Variants in FAM53B observed in about 807,000 individuals in gnomAD.
FAM53B encodes family with sequence similarity 53 member B, also known as protein FAM53B.
A neutral mutation model predicts 32.7 loss-of-function variants in FAM53B; 12 were observed. That is an observed-to-expected ratio of 0.37 (90% CI 0.24 to 0.59). FAM53B has a LOEUF of 0.59. Among genes scored for constraint, FAM53B ranks in the 20% least tolerant of loss-of-function variants. FAM53B has a pLI of 0.72. For synonymous variants in FAM53B, 234 were observed against 228.7 expected (o/e 1.02, Z -0.21); for missense variants, 477 against 577.7 (o/e 0.83, Z 1.79).
In FAM53B at chr10:124,681,765, G is replaced by T; in HGVS notation, c.748C>A (p.Pro250Thr). ...CTCGCCAGCTCTGGTGTTGAGGCAG[G>T]TGTGCTGTTGGCTGAGGGAGGACAG... ...EYCPPSANST[P>T]ASTPELARRS... Residue 250 changes from proline to threonine, a missense_variant, in exon 4 of 5, where the codon CCT becomes ACT. By Grantham distance (38) the Pro-to-Thr change is conservative (BLOSUM62 -1). This residue lies in a region of FAM53B where 312 missense variants were observed against 420.2 expected (regional missense o/e 0.74). Coordinates refer to ENST00000337318, the MANE Select transcript of FAM53B (RefSeq NM_014661.4). 6.2e-7 allele frequency: 1 copy of T among 1,609,298 alleles called. No homozygotes were observed. Among genetic ancestry groups the T allele is most frequent in the South Asian group, 1.1e-5 (1 of 90,230 alleles).
chr10:124,639,380 G>A (rs1250152106), intron 4 of FAM53B, among the ~76,000 whole-genome samples: 1 of 152,206 alleles, frequency 6.6e-6, no homozygotes, highest in Non-Finnish European at 1.5e-5. Flanking sequence ...TGCAGCCCGG[G>A]GCATGCTGTT....
chr10:124,732,103 C>T (rs1350320609), intron 1 of FAM53B, among the ~76,000 whole-genome samples: 1 of 152,190 alleles, frequency 6.6e-6, no homozygotes, highest in Non-Finnish European at 1.5e-5. Flanking sequence ...ACCATGCTGG[C>T]TCCAGTAGCA....
At chr10:124,739,730 G>C (rs941992611) in intron 1 of FAM53B, among the ~76,000 whole-genome samples, 1 of 152,028 alleles carries the variant, frequency 6.6e-6, no homozygotes, top group African/African-American at 2.4e-5. Context: ...CAGCTTCCCC[G>C]TGCAGCCCCC....
chr10:124,675,467 G>A (rs2134065095), intron 4 of FAM53B, among the ~76,000 whole-genome samples: 1 of 152,326 alleles, frequency 6.6e-6, no homozygotes, highest in Middle Eastern at 3.4e-3. Context: ...GGCTGCAGCA[G>A]GCCCGGGCTT....
rs1337198029 is a variant in FAM53B, at chr10:124,720,147, AAG to A, written c.-174-13262_-174-13261del. On this transcript the variant is annotated intron_variant, in intron 1 of 4. Transcript: ENST00000337318. ...CATTGCACTCCAGCCTGGGTGACAA[AAG>A]AGAGACTTCATCTAAAAAAAAAAAA... Among the ~76,000 whole-genome samples, 9 of 151,744 alleles carry A rather than the reference AAG, an allele frequency of 5.9e-5. No homozygotes were observed. The East Asian group carries it at 1.7e-3, about 29-fold the overall frequency.
intron 4 of FAM53B, among the ~76,000 whole-genome samples, chr10:124,624,882 A>G (rs1224596217): frequency 6.6e-6 from 1 of 152,194 alleles, no homozygotes; most frequent in Non-Finnish European, 1.5e-5. Context: ...GATATCCCCA[A>G]CCGGACTGCA....
chr10:124,711,113 A>G (rs753284982), intron 1 of FAM53B, among the ~76,000 whole-genome samples: 5 of 152,214 alleles, frequency 3.3e-5, no homozygotes, highest in Non-Finnish European at 5.9e-5. Flanking sequence ...GCACAGCCAC[A>G]CTGTGGAATA....
rs1026751806 is a variant in FAM53B at position 124,626,344 on chromosome 10, G to A, written c.907-2740C>T. Among the ~76,000 whole-genome samples the A allele has an allele frequency of 2.7e-5, 4 of 149,044 alleles. No individual in the cohort carries two copies. The Admixed American group carries it at 2.7e-4, about 10-fold the overall frequency. On this transcript the variant is annotated intron_variant, in intron 4 of 4. Coordinates refer to ENST00000337318, the MANE Select transcript of FAM53B (RefSeq NM_014661.4). Reference sequence around the variant, plus strand: ...TGCCTAACTTATGGCCACCATGATTGTGTGGGTCTCGGCACTAACCGTGGT... The same window carrying A: ...TGCCTAACTTATGGCCACCATGATTATGTGGGTCTCGGCACTAACCGTGGT...
chr10:124,731,192 C>T (rs756271117), intron 1 of FAM53B, among the ~76,000 whole-genome samples: 7 of 152,214 alleles, frequency 4.6e-5, no homozygotes, highest in African/African-American at 1.4e-4. Context: ...TATGAATTAA[C>T]GGCGAAGCCT....
rs183368128 is a variant in FAM53B at position 124,740,930 on chromosome 10, G to C, written c.-175+3083C>G. On this transcript the variant is annotated intron_variant, in intron 1 of 4. Transcript: ENST00000337318. ...CGGCCATGTGCTTTGTGTTGGCAAC[G>C]AACCGGTTCTTTCAAAAGAGGAAGA... is the stretch of plus-strand genomic sequence containing the variant. 7.2e-5 allele frequency among the ~76,000 whole-genome samples: 11 copies of C among 152,164 alleles called. No homozygotes were observed. In the South Asian group the frequency reaches 1.0e-3, roughly 14 times the overall value.
intron 4 of FAM53B, among the ~76,000 whole-genome samples, chr10:124,665,226 T>C (rs1471739501): frequency 6.6e-6 from 1 of 152,182 alleles, no homozygotes; most frequent in African/African-American, 2.4e-5. Context: ...AGCCTTCTCT[T>C]ACTGCCCCAA....
intron 4 of FAM53B, among the ~76,000 whole-genome samples, chr10:124,652,801 G>T (rs976069306): frequency 5.9e-5 from 9 of 152,160 alleles, no homozygotes; most frequent in Non-Finnish European, 5.9e-5. Context: ...CCCAGGGAAC[G>T]GCCGAGCAAA....
chr10:124,664,987 A>G (rs1464579508), intron 4 of FAM53B, among the ~76,000 whole-genome samples: 1 of 152,120 alleles, frequency 6.6e-6, no homozygotes, highest in Non-Finnish European at 1.5e-5. Flanking sequence ...TTTTTCCCTG[A>G]TGAACTTTCC....
intron 1 of FAM53B, among the ~76,000 whole-genome samples, chr10:124,725,610 G>T (rs570237551): frequency 2.4e-4 from 36 of 152,306 alleles, no homozygotes; most frequent in African/African-American, 7.9e-4. Flanking sequence ...CAACCTATCT[G>T]GGAAACCAAA....
In FAM53B at chr10:124,661,123, C is replaced by A. The variant is rs894407459; in HGVS notation, c.906+20484G>T. Reference sequence around the variant, plus strand: ...CCTGTGGGCTATGGTGTGCTGACCCCTTCTCTGAGGTGACAGCTGTCACCA... The same window carrying A: ...CCTGTGGGCTATGGTGTGCTGACCCATTCTCTGAGGTGACAGCTGTCACCA... On this transcript the variant is annotated intron_variant, in intron 4 of 4. Coordinates refer to ENST00000337318, the MANE Select transcript of FAM53B (RefSeq NM_014661.4). Among the ~76,000 whole-genome samples the A allele has an allele frequency of 4.6e-5, 7 of 151,582 alleles. No individual in the cohort carries two copies. The South Asian group carries it at 8.3e-4, about 18-fold the overall frequency.
At chr10:124,626,647 T>TC (rs1443281737) in intron 4 of FAM53B, among the ~76,000 whole-genome samples, 1 of 152,164 alleles carries the variant, frequency 6.6e-6, no homozygotes, top group Non-Finnish European at 1.5e-5. Context: ...GTTTATACGT[T>TC]CCCCAGTCTA....
rs948159875 is a variant in FAM53B, at chr10:124,622,859, C to A, written c.*383G>T. On this transcript the variant is annotated 3_prime_UTR_variant, in exon 5 of 5. Transcript: ENST00000337318. ...GATGGCCCCTGGCCCCCACCCCAGG[C>A]CCTCCCTGACAGCCCCCACCACCAG... The A allele has an allele frequency of 5.6e-6, 1 of 178,888 alleles. No homozygotes were observed. The highest frequency in any genetic ancestry group is 1.2e-5 in the Non-Finnish European group (1 of 85,902). The allele number at this position is 178,888 out of a possible 1,614,324, so 11.1% of individuals were successfully genotyped here. A position where few individuals can be genotyped will look rare whatever the true frequency, so the allele number is the denominator to read the frequency against.
rs1358503359 is a variant in FAM53B, at chr10:124,651,692, G to A, written c.907-28088C>T. On this transcript the variant is annotated intron_variant, in intron 4 of 4. Coordinates refer to ENST00000337318, the MANE Select transcript of FAM53B (RefSeq NM_014661.4). The surrounding 1 kb of genome is among the most constrained non-coding windows in gnomAD (Gnocchi z 5.2). Reference sequence around the variant, plus strand: ...ACTGTCAGCTGACTTCCGACCCTGGGGCCTGCCTGCTCTGGAGGGTCAAGG... The same window carrying A: ...ACTGTCAGCTGACTTCCGACCCTGGAGCCTGCCTGCTCTGGAGGGTCAAGG... 2.6e-5 allele frequency among the ~76,000 whole-genome samples: 4 copies of A among 152,074 alleles called. No homozygotes were observed. The highest frequency in any genetic ancestry group is 5.9e-5 in the Non-Finnish European group (4 of 68,000).
At chr10:124,709,348 CA>C (rs1949984147) in intron 1 of FAM53B, among the ~76,000 whole-genome samples, 1 of 152,184 alleles carries the variant, frequency 6.6e-6, no homozygotes, top group Non-Finnish European at 1.5e-5. Flanking sequence ...AAAGACGGGG[CA>C]CCCCAGCTCT....
Sources: gnomAD v4.1 joint callset for allele counts (sites outside exome capture counted in the v4.1 genomes callset) on GRCh38, gnomAD v4.1.1 for gene constraint, gnomAD v4.1.1 regional missense constraint, Gnocchi (gnomAD v3.1) non-coding constraint, MANE v1.5 for transcripts, NCBI Gene and HGNC (gene_info 2026-07-23, HGNC 2026-07-21) for gene names.